Variants in SGCZ observed in about 807,000 individuals in gnomAD.
SGCZ encodes the protein sarcoglycan zeta.
Under a neutral mutation model 41.3 loss-of-function variants are expected in SGCZ, and 40 were observed. The ratio of observed to expected loss-of-function variants is 0.97; its 90% CI spans 0.75 to 1.26. SGCZ has a LOEUF of 1.26. Among genes scored for constraint, SGCZ ranks in the 50% most tolerant of loss-of-function variants. SGCZ has a pLI of 0.00. For synonymous variants in SGCZ, 206 were observed against 137.5 expected, an observed-to-expected ratio of 1.50 and a Z score of -3.49; for missense variants, 552 against 369.8, an observed-to-expected ratio of 1.49 and a Z score of -4.04.
At chr8:14,272,658 A>C (rs1304571599) in intron 3 of SGCZ, among the ~76,000 whole-genome samples, 1 of 152,156 alleles carries the variant, frequency 6.6e-6, no homozygotes. Context: ...TGTAGAATAA[A>C]TTATGTTCAT....
intron 1 of SGCZ, among the ~76,000 whole-genome samples, chr8:14,632,806 G>A (rs1196681073): frequency 1.3e-5 from 2 of 151,900 alleles, no homozygotes; most frequent in Admixed American, 1.3e-4. Context: ...AAGATAAAGG[G>A]GAGAAAGTTA....
chr8:14,796,622 C>T (rs1037552036), intron 1 of SGCZ, among the ~76,000 whole-genome samples: 13 of 152,124 alleles, frequency 8.5e-5, no homozygotes, highest in African/African-American at 2.9e-4. Flanking sequence ...CCTTAAACCA[C>T]TCAGCCCTCC....
At chr8:14,572,705 A>G (rs533911644) in intron 1 of SGCZ, among the ~76,000 whole-genome samples, 1 of 152,234 alleles carries the variant, frequency 6.6e-6, no homozygotes, top group East Asian at 1.9e-4. Context: ...TCCTTCATAC[A>G]TCTGTACCAC....
chr8:14,361,335 T>A (rs1803504975), intron 2 of SGCZ, among the ~76,000 whole-genome samples: 2 of 152,212 alleles, frequency 1.3e-5, no homozygotes. Flanking sequence ...AAACGTAGAT[T>A]TGGTCTTTTC....
At chr8:14,559,002 G>T (rs548197617) in intron 1 of SGCZ, among the ~76,000 whole-genome samples, 5 of 152,024 alleles carry the variant, frequency 3.3e-5, no homozygotes, top group African/African-American at 1.2e-4. Flanking sequence ...AGCCATCTAT[G>T]ACAAACCCTC....
chr8:15,049,559 C>T (rs1163886062), intron 1 of SGCZ, among the ~76,000 whole-genome samples: 2 of 152,060 alleles, frequency 1.3e-5, no homozygotes. Context: ...TAGAGAAGGC[C>T]AGGAGTGGAA....
chr8:14,768,129 A>C (rs1431370631), intron 1 of SGCZ, among the ~76,000 whole-genome samples: 2 of 152,210 alleles, frequency 1.3e-5, no homozygotes, highest in African/African-American at 4.8e-5. Context: ...ATATGCAGAG[A>C]AAGAGAAAAT....
intron 5 of SGCZ, among the ~76,000 whole-genome samples, chr8:14,155,726 A>G (rs1315318096): frequency 6.6e-6 from 1 of 150,898 alleles, no homozygotes; most frequent in Non-Finnish European, 1.5e-5. Flanking sequence ...ATTTATATAT[A>G]CAAAGGCATA....
intron 1 of SGCZ, among the ~76,000 whole-genome samples, chr8:15,193,587 G>T (rs1422472999): frequency 1.3e-5 from 2 of 151,996 alleles, no homozygotes. Flanking sequence ...ACAACCAAGA[G>T]ATGGTAGAAT....
chr8:14,830,536 T>C (rs1461706310), intron 1 of SGCZ, among the ~76,000 whole-genome samples: 2 of 152,222 alleles, frequency 1.3e-5, no homozygotes, highest in African/African-American at 2.4e-5. Flanking sequence ...AAATTGTAAC[T>C]TTATATGTTT....
chr8:14,798,120 T>A (rs1443175509), intron 1 of SGCZ, among the ~76,000 whole-genome samples: 1 of 152,212 alleles, frequency 6.6e-6, no homozygotes, highest in Non-Finnish European at 1.5e-5. Flanking sequence ...ACTATCCCTG[T>A]TTTCAAGATT....
intron 4 of SGCZ, among the ~76,000 whole-genome samples, chr8:14,202,486 T>C (rs1320412226): frequency 6.6e-6 from 1 of 152,032 alleles, no homozygotes; most frequent in Non-Finnish European, 1.5e-5. Context: ...TCATATTGGG[T>C]TTCACAAGGG....
At chr8:14,435,090 G>C (rs780971035) in intron 2 of SGCZ, among the ~76,000 whole-genome samples, 6 of 152,040 alleles carry the variant, frequency 3.9e-5, no homozygotes, top group Non-Finnish European at 7.4e-5. Context: ...CGATATACTA[G>C]AGCAATGCAA....
Position 14,662,838 on chromosome 8 carries a change from GAGA to G in SGCZ, c.40-107915_40-107913del, listed in dbSNP as rs1807799017. Among the ~76,000 whole-genome samples the G allele has an allele frequency of 2.0e-5, 3 of 152,252 alleles. No homozygotes were observed. The South Asian group carries it at 6.2e-4, about 32-fold the overall frequency. On this transcript the variant is annotated intron_variant, in intron 1 of 7. Coordinates refer to ENST00000382080, the MANE Select transcript of SGCZ (RefSeq NM_139167.4). ...AGAGTGGGTCTGAGAGATGCAACAG[GAGA>G]AGAATTTGACTTGCTTTTCCAGAGT...
intron 1 of SGCZ, among the ~76,000 whole-genome samples, chr8:14,878,191 T>C (rs1401996663): frequency 1.3e-5 from 2 of 151,176 alleles, no homozygotes; most frequent in Non-Finnish European, 2.9e-5. Context: ...TCTTTTTTTC[T>C]TTTTTTCTTT....
intron 3 of SGCZ, among the ~76,000 whole-genome samples, chr8:14,238,637 C>A (rs1284949767): frequency 6.6e-6 from 1 of 152,160 alleles, no homozygotes; most frequent in African/African-American, 2.4e-5. Flanking sequence ...CAAATCCCTA[C>A]ATTCTCATTT....
intron 1 of SGCZ, among the ~76,000 whole-genome samples, chr8:14,829,167 T>C (rs1036763657): frequency 1.8e-5 from 2 of 113,310 alleles, no homozygotes; most frequent in Middle Eastern, 4.1e-3. Flanking sequence ...ACCGATTATT[T>C]ATTTTTCTTG....
At chr8:14,921,666 A>G (rs1268037982) in intron 1 of SGCZ, among the ~76,000 whole-genome samples, 2 of 152,160 alleles carry the variant, frequency 1.3e-5, no homozygotes, top group African/African-American at 2.4e-5. Context: ...ATGGAATTGC[A>G]CAAGTCCCTG....
intron 1 of SGCZ, among the ~76,000 whole-genome samples, chr8:14,767,616 C>T (rs1373277902): frequency 6.6e-6 from 1 of 152,112 alleles, no homozygotes; most frequent in Non-Finnish European, 1.5e-5. Context: ...TTTGGTGAAC[C>T]ATTCTCTTTA....
Sources: allele counts gnomAD v4.1 joint callset (sites outside exome capture counted in the v4.1 genomes callset), GRCh38; gene constraint gnomAD v4.1.1; transcripts MANE v1.5; gene names NCBI Gene and HGNC (gene_info 2026-07-23, HGNC 2026-07-21).